Variants in PPP3CA observed in about 807,000 individuals in gnomAD.
The protein encoded by PPP3CA is protein phosphatase 3 catalytic subunit alpha.
In PPP3CA, 14 loss-of-function variants were observed where a neutral mutation model predicts 66.5. That is an observed-to-expected ratio of 0.21 (90% CI 0.14 to 0.33). PPP3CA has a LOEUF of 0.33. Among genes scored for constraint, PPP3CA ranks in the 10% least tolerant of loss-of-function variants. The pLI, the probability that PPP3CA is intolerant of heterozygous loss-of-function variation, is 1.00. For synonymous variants in PPP3CA, 232 were observed against 226.2 expected, an observed-to-expected ratio of 1.03 and a Z score of -0.23; for missense variants, 317 against 639.5, an observed-to-expected ratio of 0.50 and a Z score of 5.44.
intron 5 of PPP3CA, among the ~76,000 whole-genome samples, chr4:101,096,259 T>C (rs1730191096): frequency 6.6e-6 from 1 of 152,190 alleles, no homozygotes; most frequent in Non-Finnish European, 1.5e-5. Flanking sequence ...TAAAAACTAA[T>C]GAACTTTAAA....
intron 1 of PPP3CA, among the ~76,000 whole-genome samples, chr4:101,327,407 T>C (rs1729240766): frequency 6.6e-6 from 1 of 151,996 alleles, no homozygotes; most frequent in African/African-American, 2.4e-5. Flanking sequence ...CTGTATTTAC[T>C]AGGGGAATTC....
intron 1 of PPP3CA, among the ~76,000 whole-genome samples, chr4:101,239,420 G>A (rs1726230126): frequency 6.6e-6 from 1 of 151,966 alleles, no homozygotes; most frequent in African/African-American, 2.4e-5. Flanking sequence ...ACAAGAAACT[G>A]AATTTTGAAA....
At position 101,340,785 on chromosome 4, in the gene PPP3CA, C is replaced by T. The variant is rs532350065; in HGVS notation, c.58+5954G>A. Among the ~76,000 whole-genome samples, 51 of 152,218 alleles carry T rather than the reference C, an allele frequency of 3.4e-4. 2 individuals carry two copies. In the South Asian group the frequency reaches 9.9e-3, roughly 30 times the overall value. On this transcript the variant is annotated intron_variant, in intron 1 of 13. Coordinates refer to ENST00000394854, the MANE Select transcript of PPP3CA (RefSeq NM_000944.5). ...TCAGAATCACTGGCTGATATTTTCA[C>T]CTGAGCCTGCTCTAGAAATTAACAA...
At chr4:101,231,323 A>C (rs1448346532) in intron 1 of PPP3CA, among the ~76,000 whole-genome samples, 3 of 151,740 alleles carry the variant, frequency 2.0e-5, no homozygotes, top group African/African-American at 7.2e-5. Context: ...CTAACTAGAG[A>C]ACAGACTCCA....
chr4:101,285,759 T>A (rs909088185), intron 1 of PPP3CA, among the ~76,000 whole-genome samples: 1 of 152,034 alleles, frequency 6.6e-6, no homozygotes, highest in East Asian at 1.9e-4. Flanking sequence ...CTTGAACTTA[T>A]CAATGCAAGC....
intron 1 of PPP3CA, among the ~76,000 whole-genome samples, chr4:101,293,927 C>T (rs76340992): frequency 0.022 from 3,273 of 152,086 alleles, 100 homozygotes; most frequent in African/African-American, 0.06. Flanking sequence ...ACACTAGGAA[C>T]GGGCCTGGCA....
chr4:101,229,926 T>C (rs1198124311), intron 1 of PPP3CA, among the ~76,000 whole-genome samples: 1 of 151,242 alleles, frequency 6.6e-6, no homozygotes, highest in African/African-American at 2.4e-5. Context: ...GCCCAAGAGA[T>C]TGGAAAAAGA....
intron 1 of PPP3CA, among the ~76,000 whole-genome samples, chr4:101,199,085 A>T (rs1208188103): frequency 6.6e-6 from 1 of 152,210 alleles, no homozygotes; most frequent in East Asian, 1.9e-4. Context: ...AGGACAAAAA[A>T]TAAGACTGGG....
chr4:101,190,746 A>G (rs929756315), intron 2 of PPP3CA, among the ~76,000 whole-genome samples: 2 of 152,092 alleles, frequency 1.3e-5, no homozygotes, highest in African/African-American at 4.8e-5. Context: ...CTACACACAT[A>G]AACTCTATGT....
intron 1 of PPP3CA, among the ~76,000 whole-genome samples, chr4:101,219,587 ATAT>A (rs545761906): frequency 3.7e-4 from 56 of 150,698 alleles, no homozygotes; most frequent in Non-Finnish European, 6.2e-4. Flanking sequence ...GTATTAAATT[ATAT>A]TATTCTCAAC....
chr4:101,264,545 C>T (rs866151314), intron 1 of PPP3CA, among the ~76,000 whole-genome samples: 8 of 152,174 alleles, frequency 5.3e-5, no homozygotes, highest in Middle Eastern at 3.4e-3. Context: ...TTTTTTGAGA[C>T]CAGCAAGCAA....
chr4:101,098,006 T>C (rs1730274490), intron 5 of PPP3CA, among the ~76,000 whole-genome samples: 1 of 152,190 alleles, frequency 6.6e-6, no homozygotes, highest in South Asian at 2.1e-4. Flanking sequence ...TGTTATGATA[T>C]TTTCCCAAGG....
intron 8 of PPP3CA, among the ~76,000 whole-genome samples, chr4:101,078,087 C>T (rs1178186776): frequency 6.6e-6 from 1 of 151,920 alleles, no homozygotes; most frequent in African/African-American, 2.4e-5. Context: ...CAGTCTTTGG[C>T]AAGAAAATGA....
At chr4:101,346,160 C>G (rs1388466114) in intron 1 of PPP3CA, among the ~76,000 whole-genome samples, 1 of 151,758 alleles carries the variant, frequency 6.6e-6, no homozygotes, top group African/African-American at 2.4e-5. Flanking sequence ...CCCGCTCTCT[C>G]GCGAGTCCTG....
intron 1 of PPP3CA, among the ~76,000 whole-genome samples, chr4:101,209,004 C>T (rs539592381): frequency 4.6e-5 from 7 of 152,164 alleles, no homozygotes; most frequent in African/African-American, 9.6e-5. Flanking sequence ...AAGCAACTTT[C>T]CTTTATAAAG....
At chr4:101,230,839 C>A (rs1372592040) in intron 1 of PPP3CA, among the ~76,000 whole-genome samples, 1 of 151,698 alleles carries the variant, frequency 6.6e-6, no homozygotes, top group African/African-American at 2.4e-5. Flanking sequence ...CCTGAAGACA[C>A]AATGAGGATT....
intron 2 of PPP3CA, among the ~76,000 whole-genome samples, chr4:101,154,796 T>C (rs2110301523): frequency 6.6e-6 from 1 of 150,676 alleles, no homozygotes; most frequent in Non-Finnish European, 1.5e-5. Context: ...TCAGAACACA[T>C]TCACTCCCAG....
intron 1 of PPP3CA, among the ~76,000 whole-genome samples, chr4:101,225,639 A>G (rs1578570661): frequency 6.6e-6 from 1 of 151,858 alleles, no homozygotes. Flanking sequence ...TCTAAAAGCA[A>G]TGGTAAACAG....
At chr4:101,208,097 T>C (rs1305188229) in intron 1 of PPP3CA, among the ~76,000 whole-genome samples, 1 of 152,174 alleles carries the variant, frequency 6.6e-6, no homozygotes, top group Non-Finnish European at 1.5e-5. Context: ...AGAAATACAC[T>C]ATATTTTATT....
Sources: gnomAD v4.1 joint callset for allele counts (sites outside exome capture counted in the v4.1 genomes callset) on GRCh38, gnomAD v4.1.1 for gene constraint, MANE v1.5 for transcripts, NCBI Gene and HGNC (gene_info 2026-07-23, HGNC 2026-07-21) for gene names.